The following ABCB5 variants were observed in gnomAD, a reference collection of about 807,000 sequenced individuals.
ABCB5 encodes the protein ATP binding cassette subfamily B member 5.
ABCB5 carries 155 observed loss-of-function variants against 144.2 expected under a neutral mutation model. That is an observed-to-expected ratio of 1.08 (90% CI 0.94 to 1.23). The LOEUF is 1.23. Ranked by LOEUF, ABCB5 falls within the 50% of genes most tolerant of loss-of-function variation. ABCB5 has a pLI of 0.00. For missense variants in ABCB5, 1,830 were observed against 1,520.8 expected (o/e 1.20, Z -3.38); for synonymous variants, 610 against 528.6 (o/e 1.15, Z -2.11).
chr7:20,667,119 G>A, intron 14 of ABCB5: 1 of 788,894 alleles, frequency 1.3e-6, no homozygotes, highest in Non-Finnish European at 1.6e-6. Flanking sequence ...CTGAGGCACA[G>A]TTTTTTCCCT....
At position 20,643,506 on chromosome 7, in the gene ABCB5, G is replaced by C; in HGVS notation, c.552G>C (p.Leu184=). The C allele has an allele frequency of 6.2e-7, 1 of 1,614,004 alleles. No homozygotes were observed. The highest frequency in any genetic ancestry group is 1.1e-5 in the South Asian group (1 of 91,072). The part of the protein sequence containing the change: ...ISDGIGDKIA[L]LFQNMSTFSI... ...ATGGTATTGGAGATAAGATTGCTCT[G>C]TTGTTTCAAAACATGTCTACTTTTT... The change falls in exon 7 of 28, where the codon CTG becomes CTC. Residue 184 remains leucine, a synonymous_variant. Transcript: ENST00000404938.
chr7:20,655,087 G>C (rs1340846862), intron 13 of ABCB5, among the ~76,000 whole-genome samples: 4 of 116,796 alleles, frequency 3.4e-5, no homozygotes, highest in Non-Finnish European at 7.1e-5. Flanking sequence ...GCTGAAAAAA[G>C]AGAGAGAGAG....
chr7:20,678,226 A>G (rs1308327343), intron 14 of ABCB5, among the ~76,000 whole-genome samples: 4 of 152,220 alleles, frequency 2.6e-5, no homozygotes, highest in Non-Finnish European at 5.9e-5. Flanking sequence ...GTAGCATTAT[A>G]TCATACATCT....
Position 20,703,090 on chromosome 7 carries a change from C to T in ABCB5, c.2338-1634C>T, listed in dbSNP as rs115652803. On this transcript the variant is annotated intron_variant, in intron 19 of 27. Coordinates refer to ENST00000404938, the MANE Select transcript of ABCB5 (RefSeq NM_001163941.2). ...TGTACCTATTCATGGTGTTTTACAG[C>T]GAGTTACTATAGAATCAGGAATGTA... Among the ~76,000 whole-genome samples the T allele has an allele frequency of 4.2e-3, 633 of 152,056 alleles. 4 individuals carry two copies. Among genetic ancestry groups the T allele is most frequent in the African/African-American group, 0.014 (593 of 41,460 alleles).
chr7:20,738,817 T>C (rs1782468989), intron 23 of ABCB5, among the ~76,000 whole-genome samples, 166 bp from the exon 24 acceptor site: 1 of 152,182 alleles, frequency 6.6e-6, no homozygotes, highest in Non-Finnish European at 1.5e-5. Context: ...GATTACTACA[T>C]GGTAGAAATT....
At chr7:20,677,702 C>T (rs1785661437) in intron 14 of ABCB5, among the ~76,000 whole-genome samples, 1 of 152,122 alleles carries the variant, frequency 6.6e-6, no homozygotes, top group Non-Finnish European at 1.5e-5. Context: ...GCACTCCAGC[C>T]TGTGTGACAG....
intron 14 of ABCB5, among the ~76,000 whole-genome samples, chr7:20,668,667 A>C: frequency 1.6e-5 from 2 of 128,606 alleles, no homozygotes; most frequent in Admixed American, 7.7e-5. Flanking sequence ...GGCCGCCCCT[A>C]CTGGGAAGTG....
At chr7:20,743,201 T>C in intron 25 of ABCB5, 127 bp downstream of exon 25, 1 of 987,982 alleles carries the variant, frequency 1.0e-6, no homozygotes, top group South Asian at 1.6e-5. Context: ...AGAAAAAAAA[T>C]CTCTGTGTCA....
At chr7:20,707,797 A>ATTTTTTT (rs1211525231) in intron 20 of ABCB5, among the ~76,000 whole-genome samples, 4 of 99,068 alleles carry the variant, frequency 4.0e-5, no homozygotes, top group African/African-American at 7.6e-5. Flanking sequence ...TGGTAACCTC[A>ATTTTTTT]TTTCTTTTTT....
chr7:20,664,170 A>C (rs973436654), intron 14 of ABCB5, among the ~76,000 whole-genome samples: 4 of 152,216 alleles, frequency 2.6e-5, no homozygotes, highest in African/African-American at 7.2e-5. Context: ...ATACCCTTTA[A>C]AATGGCTATA....
Position 20,681,022 on chromosome 7 carries a change from CTTTCTT to C in ABCB5, c.1708-481_1708-476del, listed in dbSNP as rs1174957251. ...TCTTTCTTTCTTTCTTTCTTTCTTT[CTTTCTT>C]TCTTTCTCTTTCTTTCTTTCTCTCT... On this transcript the variant is annotated intron_variant, in intron 14 of 27. Transcript: ENST00000404938. Among the ~76,000 whole-genome samples the C allele has an allele frequency of 3.2e-4, 22 of 68,980 alleles. 2 individuals are homozygous for C. Among genetic ancestry groups the C allele is most frequent in the African/African-American group, 1.7e-3 (22 of 13,282 alleles). The allele number at this position is 68,980 out of a possible 152,430, so 45.3% of individuals were successfully genotyped here. A position where few individuals can be genotyped will look rare whatever the true frequency, so the allele number is the denominator to read the frequency against.
At chr7:20,637,099 C>T (rs17143204) in intron 5 of ABCB5, among the ~76,000 whole-genome samples, 2,338 of 152,198 alleles carry the variant, frequency 0.015, 53 homozygotes, top group African/African-American at 0.053. Flanking sequence ...TGATTAGCAT[C>T]TGTGGAACTA....
rs1785768634 is a variant in ABCB5, at chr7:20,680,830, G to A, written c.1708-675G>A. ...TAAAGATGAAAACAATTAACTTTCT[G>A]ACTTTCTTTTTATTCTAATTTCTAT... On this transcript the variant is annotated intron_variant, in intron 14 of 27. Transcript: ENST00000404938. Among the ~76,000 whole-genome samples the A allele has an allele frequency of 5.3e-5, 8 of 151,968 alleles. No individual in the cohort carries two copies. In the South Asian group the frequency reaches 1.7e-3, roughly 32 times the overall value.
At position 20,628,820 on chromosome 7, in the gene ABCB5, C is replaced by T; in HGVS notation, c.241C>T (p.Leu81=). The change falls in exon 4 of 28, where the codon CTA becomes TTA. Residue 81 remains leucine, a synonymous_variant. Coordinates refer to ENST00000404938, the MANE Select transcript of ABCB5 (RefSeq NM_001163941.2). ...EMSDNLISGC[L]VQTNTTNYQN... is the part of the protein sequence containing the mutation. ...GAGTGATAACCTTATTAGTGGATGTCTAGTCCAAACTAACACAAGTGAGTA... is the reference window on the plus strand; with the variant it reads ...GAGTGATAACCTTATTAGTGGATGTTTAGTCCAAACTAACACAAGTGAGTA... 1 of 1,613,610 alleles carries T rather than the reference C, an allele frequency of 6.2e-7. No individual in the cohort carries two copies. Among genetic ancestry groups the T allele is most frequent in the Non-Finnish European group, 8.5e-7 (1 of 1,179,762 alleles).
intron 14 of ABCB5, chr7:20,660,092 C>A: frequency 1.0e-6 from 1 of 985,020 alleles, no homozygotes; most frequent in Non-Finnish European, 1.2e-6. Flanking sequence ...TTTAGGTAAT[C>A]AAAACTAGTT....
chr7:20,626,068 G>C (rs1265764115), intron 2 of ABCB5, among the ~76,000 whole-genome samples: 9 of 152,208 alleles, frequency 5.9e-5, no homozygotes, highest in Non-Finnish European at 1.3e-4. Flanking sequence ...CACAGAAGGA[G>C]AAATGCTATA....
At chr7:20,674,749 T>TACAC (rs71555815) in intron 14 of ABCB5, among the ~76,000 whole-genome samples, 36,585 of 140,020 alleles carry the variant, frequency 0.26, 4,734 homozygotes, top group South Asian at 0.36. Flanking sequence ...CTCTAAAGAC[T>TACAC]ACACACACAC....
intron 14 of ABCB5, among the ~76,000 whole-genome samples, chr7:20,662,531 A>C (rs1785035344): frequency 6.6e-6 from 1 of 152,210 alleles, no homozygotes; most frequent in Non-Finnish European, 1.5e-5. Context: ...TCAATTAAAC[A>C]TCTCACTCTG....
At chr7:20,633,278 C>A (rs904153110) in intron 5 of ABCB5, among the ~76,000 whole-genome samples, 2 of 151,986 alleles carry the variant, frequency 1.3e-5, no homozygotes, top group Admixed American at 6.6e-5. Flanking sequence ...TCAACATGTT[C>A]TGAGTTTCCT....
Sources: allele counts gnomAD v4.1 joint callset (sites outside exome capture counted in the v4.1 genomes callset), GRCh38; gene constraint gnomAD v4.1.1; transcripts MANE v1.5; gene names NCBI Gene and HGNC (gene_info 2026-07-23, HGNC 2026-07-21).